Variants in MAPKAP1 observed in about 807,000 individuals in gnomAD.
The protein encoded by MAPKAP1 is MAPK associated protein 1, also known as target of rapamycin complex 2 subunit MAPKAP1.
In MAPKAP1, 20 loss-of-function variants were observed where a neutral mutation model predicts 65.7. The ratio of observed to expected loss-of-function variants is 0.30; its 90% CI spans 0.21 to 0.44. The LOEUF is 0.44. Ranked by LOEUF, MAPKAP1 falls within the 20% of genes least tolerant of loss-of-function variation. MAPKAP1 has a pLI of 1.00. For missense variants in MAPKAP1, 423 were observed against 648.0 expected (o/e 0.65, Z 3.77); for synonymous variants, 222 against 244.3 (o/e 0.91, Z 0.85).
At chr9:125,668,066 G>A (rs568196688) in intron 3 of MAPKAP1, among the ~76,000 whole-genome samples, 1 of 152,238 alleles carries the variant, frequency 6.6e-6, no homozygotes, top group East Asian at 1.9e-4. Context: ...ACAAGTAATT[G>A]GGACTTCTGG....
intron 5 of MAPKAP1, among the ~76,000 whole-genome samples, chr9:125,560,262 G>GTCAGAGGCC: frequency 6.6e-6 from 1 of 152,306 alleles, no homozygotes; most frequent in South Asian, 2.1e-4. Flanking sequence ...GAAGGCAGGG[G>GTCAGAGGCC]TCAGAGGCCT....
intron 5 of MAPKAP1, among the ~76,000 whole-genome samples, chr9:125,582,729 C>T (rs1010786114): frequency 3.3e-4 from 50 of 152,346 alleles, no homozygotes; most frequent in African/African-American, 1.1e-3. Flanking sequence ...CAGTCTCACT[C>T]CAGCTTCTAG....
intron 1 of MAPKAP1, among the ~76,000 whole-genome samples, chr9:125,697,684 T>C (rs1030047460): frequency 2.0e-5 from 3 of 152,222 alleles, no homozygotes; most frequent in Non-Finnish European, 4.4e-5. Flanking sequence ...CTGATTTCTT[T>C]AATAAAGATT....
intron 4 of MAPKAP1, among the ~76,000 whole-genome samples, chr9:125,622,604 C>G (rs1394274710): frequency 6.6e-6 from 1 of 151,924 alleles, no homozygotes; most frequent in Non-Finnish European, 1.5e-5. Context: ...CACCACCATG[C>G]CTGGCTAATT....
chr9:125,701,901 C>G (rs192075138), intron 1 of MAPKAP1, among the ~76,000 whole-genome samples: 1 of 152,170 alleles, frequency 6.6e-6, no homozygotes, highest in African/African-American at 2.4e-5. Flanking sequence ...AGCTACAATG[C>G]CCCCTCACAC....
chr9:125,573,921 T>C (rs936778465), intron 5 of MAPKAP1, among the ~76,000 whole-genome samples: 12 of 152,238 alleles, frequency 7.9e-5, no homozygotes, highest in Non-Finnish European at 1.8e-4. Context: ...AGTTTAACTA[T>C]CTGAATTAAT....
chr9:125,497,332 G>A (rs903586359), intron 8 of MAPKAP1, among the ~76,000 whole-genome samples: 1 of 152,296 alleles, frequency 6.6e-6, no homozygotes, highest in East Asian at 1.9e-4. Context: ...AAGATCAAAG[G>A]AAGCTGAATT....
intron 3 of MAPKAP1, among the ~76,000 whole-genome samples, chr9:125,658,026 G>T (rs369683188): frequency 7.9e-5 from 12 of 152,220 alleles, no homozygotes; most frequent in Admixed American, 7.9e-4. Context: ...TAAGGGAGGG[G>T]GAAGAATCAG....
chr9:125,452,880 G>A (rs146204841), intron 10 of MAPKAP1, among the ~76,000 whole-genome samples: 29 of 151,558 alleles, frequency 1.9e-4, no homozygotes, highest in African/African-American at 6.1e-4. Flanking sequence ...TAACACAGCG[G>A]GACTCTGTCT....
intron 3 of MAPKAP1, among the ~76,000 whole-genome samples, chr9:125,666,003 T>C (rs1166220206): frequency 6.6e-6 from 1 of 152,130 alleles, no homozygotes; most frequent in Admixed American, 6.5e-5. Flanking sequence ...CACACAGGAG[T>C]TATGAAAGAA....
chr9:125,687,809 C>A (rs1338715357), intron 1 of MAPKAP1, among the ~76,000 whole-genome samples: 21 of 152,158 alleles, frequency 1.4e-4, no homozygotes, highest in Non-Finnish European at 5.9e-5. Context: ...AGGATATTTA[C>A]AGAAAGCTAA....
chr9:125,674,542 C>T (rs1027340700), intron 1 of MAPKAP1, among the ~76,000 whole-genome samples: 2 of 152,180 alleles, frequency 1.3e-5, no homozygotes, highest in African/African-American at 4.8e-5. Flanking sequence ...ACCAGATTTT[C>T]TTGTAATCTG....
At position 125,500,194 on chromosome 9, in the gene MAPKAP1, G is replaced by A. The variant is rs542222892; in HGVS notation, c.1066+6116C>T. Among the ~76,000 whole-genome samples, 130 of 151,870 alleles carry A rather than the reference G, an allele frequency of 8.6e-4. 6 individuals are homozygous for A. In the South Asian group the frequency reaches 0.026, roughly 30 times the overall value. ...TTTTTATTTTTTGAGATGGAGTCTC[G>A]CTCTGTGGCCCAGGCTGGAGTCTCA... On this transcript the variant is annotated intron_variant, in intron 8 of 11. Coordinates refer to ENST00000265960, the MANE Select transcript of MAPKAP1 (RefSeq NM_001006617.3).
intron 2 of MAPKAP1, 23 bp from the exon 3 acceptor site, chr9:125,669,930 G>C: frequency 1.5e-6 from 2 of 1,372,200 alleles, no homozygotes; most frequent in Non-Finnish European, 2.0e-6. Context: ...TATTATAACT[G>C]TAAGTTTGTC....
At position 125,595,423 on chromosome 9, in the gene MAPKAP1, T is replaced by A; in HGVS notation, c.499-9696A>T. ...AACATGCTGATGAATTAAAACATTA[T>A]CTAGAGCAGCTTTTCTCAGCTGATC... is the stretch of plus-strand genomic sequence containing the variant. On this transcript the variant is annotated intron_variant, in intron 4 of 11. Transcript: ENST00000265960. This position sits in a 1 kb window ranked among gnomAD's most constrained non-coding sequence, Gnocchi z 4.0. The A allele has an allele frequency of 1.9e-6, 1 of 529,320 alleles. No homozygotes were observed. The highest frequency in any genetic ancestry group is 2.5e-6 in the Non-Finnish European group (1 of 402,156). 32.8% of individuals were successfully genotyped at this position (529,320 alleles called of 1,614,324 possible).
intron 6 of MAPKAP1, among the ~76,000 whole-genome samples, chr9:125,548,954 A>G: frequency 6.6e-6 from 1 of 152,352 alleles, no homozygotes; most frequent in East Asian, 1.9e-4. Flanking sequence ...TGAAGGAGCC[A>G]GGACTTGAAC....
At chr9:125,458,790 C>CGGCT (rs1853309410) in intron 10 of MAPKAP1, among the ~76,000 whole-genome samples, 1 of 145,994 alleles carries the variant, frequency 6.8e-6, no homozygotes, top group African/African-American at 2.6e-5. Context: ...CCAGAAGGGG[C>CGGCT]GGCCGGGCAG....
At chr9:125,577,985 A>AGAAAGGGGG (rs1401806392) in intron 5 of MAPKAP1, among the ~76,000 whole-genome samples, 1 of 151,920 alleles carries the variant, frequency 6.6e-6, no homozygotes, top group Non-Finnish European at 1.5e-5. Flanking sequence ...TTTGTGGAAT[A>AGAAAGGGGG]GAAAGGGGGG....
At chr9:125,515,265 A>G (rs1432383471) in intron 7 of MAPKAP1, among the ~76,000 whole-genome samples, 1 of 151,104 alleles carries the variant, frequency 6.6e-6, no homozygotes, top group East Asian at 1.9e-4. Flanking sequence ...TCTCCTGCCT[A>G]GTTAAACTGC....
Sources: gnomAD v4.1 joint callset for allele counts (sites outside exome capture counted in the v4.1 genomes callset) on GRCh38, gnomAD v4.1.1 for gene constraint, Gnocchi (gnomAD v3.1) non-coding constraint, MANE v1.5 for transcripts, NCBI Gene and HGNC (gene_info 2026-07-23, HGNC 2026-07-21) for gene names.